Variants in CARD6 observed in about 807,000 individuals in gnomAD.
CARD6 encodes the protein caspase recruitment domain family member 6, also known as caspase recruitment domain-containing protein 6.
CARD6 carries 27 observed loss-of-function variants against 23.6 expected under a neutral mutation model. That is an observed-to-expected ratio of 1.14 (90% CI 0.84 to 1.58). The LOEUF is 1.58. Among genes scored for constraint, CARD6 ranks in the 40% most tolerant of loss-of-function variants. The pLI, the probability that CARD6 is intolerant of heterozygous loss-of-function variation, is 0.00. For synonymous variants in CARD6, 397 were observed against 431.8 expected, an observed-to-expected ratio of 0.92 and a Z score of 1.00; for missense variants, 1,214 against 1,209.9, an observed-to-expected ratio of 1.00 and a Z score of -0.05.
Position 40,841,519 on chromosome 5 carries a change from C to G in CARD6, c.137C>G (p.Thr46Ser), listed in dbSNP as rs1398960825. 1 of 1,613,908 alleles carries G rather than the reference C, an allele frequency of 6.2e-7. No individual in the cohort carries two copies. Among genetic ancestry groups the G allele is most frequent in the African/African-American group, 1.3e-5 (1 of 74,890 alleles). The change falls in exon 1 of 3, where the codon ACT becomes AGT. Residue 46 changes from threonine (T) to serine (S), a missense_variant. Thr to Ser is a moderately conservative substitution (Grantham distance 58, BLOSUM62 1). Transcript: ENST00000254691. ...RRLISEEEYETLENVTDLLKK... is the reference protein window; with the variant it reads ...RRLISEEEYESLENVTDLLKK... ...CTGATTTCTGAGGAAGAGTATGAGA[C>G]TCTGGAGAATGTTACAGATCTCCTG...
rs773153473 is a variant in CARD6 at position 40,846,016 on chromosome 5, CTT to C, written c.841+2320_841+2321del. ...GTTTTCAGAATAGATGCAGTATATT[CTT>C]TTTTTTTTTTTTGAGATGGAGGCTC... On this transcript the variant is annotated intron_variant, in intron 2 of 2. Coordinates refer to ENST00000254691, the MANE Select transcript of CARD6 (RefSeq NM_032587.4). 1.1e-3 allele frequency among the ~76,000 whole-genome samples: 160 copies of C among 139,914 alleles called. No homozygotes were observed. The East Asian group carries it at 0.026, about 23-fold the overall frequency. 91.8% of individuals were successfully genotyped at this position (139,914 alleles called of 152,430 possible).
intron 2 of CARD6, among the ~76,000 whole-genome samples, chr5:40,846,137 T>A (rs537818595): frequency 1.1e-4 from 16 of 151,892 alleles, no homozygotes; most frequent in Non-Finnish European, 1.8e-4. Context: ...CTCAGCCTCC[T>A]GAGTAGCTGG....
At position 40,843,457 on chromosome 5, in the gene CARD6, G is replaced by A; in HGVS notation, c.589G>A (p.Gly197Arg). The change falls in exon 2 of 3, where the codon GGA (glycine) becomes AGA (arginine). Residue 197 changes from glycine (G) to arginine (R), a missense_variant. Transcript: ENST00000254691. ...AGCAACTATTACATATATAAAAGATGGACAGAGATATGAGGAGCTAGATGA... is the reference window on the plus strand; with the variant it reads ...AGCAACTATTACATATATAAAAGATAGACAGAGATATGAGGAGCTAGATGA... ...VPATITYIKD[G>R]QRYEELDDSL... The A allele has an allele frequency of 1.2e-6, 2 of 1,613,488 alleles. No homozygotes were observed. The highest frequency in any genetic ancestry group is 2.2e-5 in the South Asian group (2 of 90,956).
chr5:40,848,372 G>T (rs1745999972), intron 2 of CARD6, among the ~76,000 whole-genome samples: 1 of 151,820 alleles, frequency 6.6e-6, no homozygotes, highest in African/African-American at 2.4e-5. Flanking sequence ...CAGACCGCCA[G>T]GCCTGGTTAA....
At chr5:40,845,607 G>A (rs892972718) in intron 2 of CARD6, among the ~76,000 whole-genome samples, 19 of 152,012 alleles carry the variant, frequency 1.2e-4, no homozygotes, top group African/African-American at 4.6e-4. Context: ...TCATTGCATA[G>A]TATCATCATT....
At chr5:40,844,868 C>CTTTT (rs761641223) in intron 2 of CARD6, among the ~76,000 whole-genome samples, 2 of 134,506 alleles carry the variant, frequency 1.5e-5, no homozygotes, top group Non-Finnish European at 3.2e-5. Flanking sequence ...TTGCTTCCTT[C>CTTTT]TTTTTTTTTT....
chr5:40,847,337 C>G (rs1745982585), intron 2 of CARD6, among the ~76,000 whole-genome samples: 2 of 152,210 alleles, frequency 1.3e-5, no homozygotes, highest in South Asian at 4.1e-4. Context: ...AGAAGTTCAA[C>G]TTGTATAGAC....
chr5:40,847,247 T>G (rs970288299), intron 2 of CARD6, among the ~76,000 whole-genome samples: 1 of 152,260 alleles, frequency 6.6e-6, no homozygotes, highest in Non-Finnish European at 1.5e-5. Flanking sequence ...CTCTTTGTCA[T>G]GTGAAATTTT....
chr5:40,852,838 T>C lies in CARD6; in HGVS notation c.1506T>C (p.Asp502=). The C allele has an allele frequency of 6.2e-7, 1 of 1,614,206 alleles. No individual in the cohort carries two copies. Among genetic ancestry groups the C allele is most frequent in the Non-Finnish European group, 8.5e-7 (1 of 1,180,032 alleles). The part of the protein sequence containing the change: ...PLLVLPRQIS[D]GLVEITWCFP... ...TGGTGCTTCCCCGGCAAATCTCTGA[T>C]GGCCTGGTTGAGATAACATGGTGTT... Residue 502 remains aspartate (D), a synonymous_variant, in exon 3 of 3, where the codon GAT becomes GAC. Transcript: ENST00000254691.
intron 2 of CARD6, among the ~76,000 whole-genome samples, chr5:40,845,537 G>A (rs560293638): frequency 6.6e-6 from 1 of 152,092 alleles, no homozygotes; most frequent in East Asian, 1.9e-4. Context: ...TTATTTTGGG[G>A]CCCCATTCTT....
At chr5:40,849,389 A>G (rs983275477) in intron 2 of CARD6, among the ~76,000 whole-genome samples, 18 of 152,146 alleles carry the variant, frequency 1.2e-4, no homozygotes, top group African/African-American at 4.3e-4. Context: ...GCTGTCCTGC[A>G]ACCTATTCTC....
chr5:40,850,491 G>T (rs190424469), intron 2 of CARD6, among the ~76,000 whole-genome samples: 2,101 of 147,514 alleles, frequency 0.014, 70 homozygotes, highest in African/African-American at 0.05. Context: ...GAGGAGGGTG[G>T]ATTGCCTGAG....
At position 40,852,891 on chromosome 5, in the gene CARD6, AC is replaced by A; in HGVS notation, c.1563del (p.Phe523SerfsTer14). 1 of 1,611,924 alleles carries A rather than the reference AC, an allele frequency of 6.2e-7. No homozygotes were observed. Among genetic ancestry groups the A allele is most frequent in the Non-Finnish European group, 8.5e-7 (1 of 1,179,448 alleles). On this transcript the variant is annotated frameshift_variant, in exon 3 of 3. Transcript: ENST00000254691. LOFTEE classifies it low-confidence loss of function (END_TRUNC). ...CCTGATAGCGATGATAGAAAGGAAA[AC>A]CCCTTTTTCCAAAAGCCTGTTGCTC... Reference protein sequence around the residue: ...CFPDSDDRKENPFFQKPVALA... With the variant: ...CFPDSDDRKEXPFFQKPVALA...
At position 40,841,413 on chromosome 5, in the gene CARD6, A is replaced by G. The variant is rs746557509; in HGVS notation, c.31A>G (p.Ile11Val). 8 of 1,611,990 alleles carry G rather than the reference A, an allele frequency of 5.0e-6. No individual in the cohort carries two copies. Among genetic ancestry groups the G allele is most frequent in the Non-Finnish European group, 5.9e-6 (7 of 1,179,410 alleles). The change falls in exon 1 of 3, where the codon ATA becomes GTA. Residue 11 changes from isoleucine to valine, a missense_variant. By Grantham distance (29) the Ile-to-Val change is conservative (BLOSUM62 3). Coordinates refer to ENST00000254691, the MANE Select transcript of CARD6 (RefSeq NM_032587.4). Reference protein sequence around the residue: MATESTPSEIIERERKKLLEI... With the variant: MATESTPSEIVERERKKLLEI... ...TACCGAGAGTACTCCCTCAGAGATC[A>G]TAGAAAGAGAAAGAAAAAAGTTGCT...
chr5:40,853,050 A>G lies in CARD6; in HGVS notation c.1718A>G (p.Glu573Gly). The change falls in exon 3 of 3, where the codon GAG (glutamate) becomes GGG (glycine). Residue 573 changes from glutamate (E) to glycine (G), a missense_variant. Transcript: ENST00000254691. Reference protein sequence around the residue: ...KEWDLLMFLGEAAIERCYFVL... With the variant: ...KEWDLLMFLGGAAIERCYFVL... ...TGGGACTTGCTAATGTTTTTAGGAG[A>G]GGCTGCCATTGAAAGATGCTACTTT... 1 of 1,613,986 alleles carries G rather than the reference A, an allele frequency of 6.2e-7. No individual in the cohort carries two copies.
intron 2 of CARD6, among the ~76,000 whole-genome samples, chr5:40,850,189 C>A (rs949079283): frequency 2.0e-5 from 3 of 151,596 alleles, no homozygotes; most frequent in African/African-American, 4.8e-5. Flanking sequence ...CCGAGGCAGG[C>A]GCATCACGAG....
At chr5:40,850,776 A>T (rs1746051927) in intron 2 of CARD6, among the ~76,000 whole-genome samples, 1 of 150,030 alleles carries the variant, frequency 6.7e-6, no homozygotes, top group African/African-American at 2.4e-5. Flanking sequence ...TTTCTCATAG[A>T]TGTATATAAT....
intron 2 of CARD6, among the ~76,000 whole-genome samples, chr5:40,843,967 G>C (rs996709433): frequency 6.6e-6 from 1 of 152,166 alleles, no homozygotes; most frequent in Non-Finnish European, 1.5e-5. Context: ...TCTGTAGTTC[G>C]TATAAGGAGT....
At position 40,841,452 on chromosome 5, in the gene CARD6, C is replaced by T. The variant is rs762587685; in HGVS notation, c.70C>T (p.His24Tyr). 2.0e-5 allele frequency: 32 copies of T among 1,613,678 alleles called. No individual in the cohort carries two copies. In the South Asian group the frequency reaches 3.4e-4, roughly 17 times the overall value. Residue 24 changes from histidine (H) to tyrosine (Y), a missense_variant, in exon 1 of 3, where the codon CAT becomes TAT. Physicochemically the swap from His to Tyr is moderately conservative, Grantham distance 83. Coordinates refer to ENST00000254691, the MANE Select transcript of CARD6 (RefSeq NM_032587.4). ...AAAAAAGTTGCTTGAAATCCTTCAACATGATCCTGATTCTATCTTAGACAC... is the reference window on the plus strand; with the variant it reads ...AAAAAAGTTGCTTGAAATCCTTCAATATGATCCTGATTCTATCTTAGACAC... ...ERKKLLEILQ[H>Y]DPDSILDTLT...
Sources: gnomAD v4.1 joint callset for allele counts (sites outside exome capture counted in the v4.1 genomes callset) on GRCh38, gnomAD v4.1.1 for gene constraint, MANE v1.5 for transcripts, NCBI Gene and HGNC (gene_info 2026-07-23, HGNC 2026-07-21) for gene names.